The following EMC8 variants were observed in gnomAD, a reference collection of about 807,000 sequenced individuals.
The protein encoded by EMC8 is COX4 neighbor.
Under a neutral mutation model 24.3 loss-of-function variants are expected in EMC8, and 11 were observed. That is an observed-to-expected ratio of 0.45 (90% CI 0.28 to 0.75). The LOEUF (loss-of-function observed/expected upper bound fraction) is 0.75. Ranked by LOEUF, EMC8 falls within the 30% of genes least tolerant of loss-of-function variation. The pLI, the probability that EMC8 is intolerant of heterozygous loss-of-function variation, is 0.12. For missense variants in EMC8, 277 were observed against 282.7 expected (o/e 0.98, Z 0.14); for synonymous variants, 145 against 117.7 (o/e 1.23, Z -1.50).
rs761050823 is a variant in EMC8, at chr16:85,781,223, A to T, written c.366T>A (p.Thr122=). ...ASRIAEGFSD[T]ALIMVDNTKF... ...AGAAGCGACTTACCATGATGAGCGC[A>T]GTGTCGCTGAAGCCCTCGGCGATTC... The change falls in exon 3 of 5, where the codon ACT becomes ACA. Residue 122 remains threonine (T), a synonymous_variant. Coordinates refer to ENST00000253457, the MANE Select transcript of EMC8 (RefSeq NM_006067.5). 18 of 1,613,446 alleles carry T rather than the reference A, an allele frequency of 1.1e-5. No individual in the cohort carries two copies. The highest frequency in any genetic ancestry group is 1.7e-4 in the Middle Eastern group (1 of 6,058).
At chr16:85,788,092 G>A (rs1235975003) in intron 2 of EMC8, among the ~76,000 whole-genome samples, 4 of 152,206 alleles carry the variant, frequency 2.6e-5, no homozygotes, top group Admixed American at 6.5e-5. Flanking sequence ...ACGCATGCCC[G>A]TTATATACGG....
chr16:85,798,957 G>T, intron 1 of EMC8, 108 bp downstream of exon 1: 1 of 728,900 alleles, frequency 1.4e-6, no homozygotes, highest in Non-Finnish European at 2.2e-6. Flanking sequence ...ACCCTAGGGA[G>T]CGGGTCCTAG....
chr16:85,788,678 A>G (rs1904866112), intron 2 of EMC8, among the ~76,000 whole-genome samples: 1 of 152,196 alleles, frequency 6.6e-6, no homozygotes, highest in Admixed American at 6.5e-5. Flanking sequence ...AGGGGAAGCA[A>G]GGCAGAGCTG....
At chr16:85,784,617 C>T (rs932151616) in intron 2 of EMC8, 2 of 151,648 alleles carry the variant, frequency 1.3e-5, no homozygotes, top group South Asian at 2.1e-4. Flanking sequence ...GATGGTGGCT[C>T]CTAGCGCAGA....
rs1010750597 is a variant in EMC8, at chr16:85,781,256, C to T, written c.333G>A (p.Val111=). The T allele has an allele frequency of 1.1e-5, 17 of 1,610,342 alleles. No individual in the cohort carries two copies. The highest frequency in any genetic ancestry group is 1.4e-5 in the Non-Finnish European group (17 of 1,179,012). Residue 111 remains valine (V), a synonymous_variant, in exon 3 of 5, where the codon GTG becomes GTA. Transcript: ENST00000253457. ...DASPNQVAEK[V]ASRIAEGFSD... ...TGAAGCCCTCGGCGATTCTGGAGGC[C>T]ACCTTCTCTGCAACCTGGTTTGGAC...
rs979751177 is a variant in EMC8 at position 85,799,507 on chromosome 16, A to C, written c.-212T>G. On this transcript the variant is annotated 5_prime_UTR_variant, in exon 1 of 5. Transcript: ENST00000253457. The surrounding 1 kb of genome is among the most constrained non-coding windows in gnomAD (Gnocchi z 4.2). ...CGCCTCTGGGAAGCCGCAGCCCCAG[A>C]CTCCAGTCGCGCTTCTCGCCCGGCG... The C allele has an allele frequency of 2.3e-5, 9 of 386,236 alleles. No homozygotes were observed. 23.9% of individuals were successfully genotyped at this position (386,236 alleles called of 1,614,324 possible).
intron 1 of EMC8, among the ~76,000 whole-genome samples, chr16:85,791,284 T>G (rs1385274520): frequency 6.6e-6 from 1 of 152,250 alleles, no homozygotes; most frequent in East Asian, 1.9e-4. Flanking sequence ...AAATAAACCG[T>G]ACTTGATTAA....
In EMC8 at chr16:85,779,703, C is replaced by A; in HGVS notation, c.*5G>T. Reference sequence around the variant, plus strand: ...GGCCCGGAGCCCAGTCACAGCGGTGCCTGCCTAGCACAAGTGTAGGACAGC... The same window carrying A: ...GGCCCGGAGCCCAGTCACAGCGGTGACTGCCTAGCACAAGTGTAGGACAGC... On this transcript the variant is annotated 3_prime_UTR_variant, in exon 5 of 5. Transcript: ENST00000253457. 1.2e-6 allele frequency: 2 copies of A among 1,613,846 alleles called. No homozygotes were observed. The highest frequency in any genetic ancestry group is 1.7e-6 in the Non-Finnish European group (2 of 1,179,718).
intron 1 of EMC8, among the ~76,000 whole-genome samples, chr16:85,791,157 A>G (rs1469601622): frequency 6.6e-6 from 1 of 151,874 alleles, no homozygotes; most frequent in Admixed American, 6.6e-5. Context: ...AATAAATTTT[A>G]TTGAAGGATT....
intron 2 of EMC8, chr16:85,785,197 T>G (rs970903340): frequency 6.6e-6 from 1 of 152,312 alleles, no homozygotes; most frequent in African/African-American, 2.4e-5. Flanking sequence ...TCCTCCTGCC[T>G]TGGCCTCTGA....
intron 1 of EMC8, among the ~76,000 whole-genome samples, chr16:85,796,251 G>A (rs1772676585): frequency 6.6e-6 from 1 of 151,936 alleles, no homozygotes; most frequent in South Asian, 2.1e-4. Context: ...CTCAACAAAT[G>A]GCACCAGTGC....
intron 2 of EMC8, among the ~76,000 whole-genome samples, chr16:85,788,046 T>C (rs1327777517): frequency 6.6e-6 from 1 of 152,214 alleles, no homozygotes; most frequent in African/African-American, 2.4e-5. Flanking sequence ...GTCGGCTCTA[T>C]CTGACAACAT....
chr16:85,783,900 G>A (rs1380132403), intron 2 of EMC8, among the ~76,000 whole-genome samples: 1 of 152,192 alleles, frequency 6.6e-6, no homozygotes, highest in African/African-American at 2.4e-5. Flanking sequence ...CTCTAACACA[G>A]AGTCCATGGC....
Position 85,799,501 on chromosome 16 carries a change from C to T in EMC8, c.-206G>A, listed in dbSNP as rs1042593534. Reference sequence around the variant, plus strand: ...GACTCGCGCCTCTGGGAAGCCGCAGCCCCAGACTCCAGTCGCGCTTCTCGC... The same window carrying T: ...GACTCGCGCCTCTGGGAAGCCGCAGTCCCAGACTCCAGTCGCGCTTCTCGC... On this transcript the variant is annotated 5_prime_UTR_variant, in exon 1 of 5. Transcript: ENST00000253457. This position sits in a 1 kb window ranked among gnomAD's most constrained non-coding sequence, Gnocchi z 4.2. The T allele has an allele frequency of 2.8e-5, 11 of 393,494 alleles. No homozygotes were observed. Among genetic ancestry groups the T allele is most frequent in the African/African-American group, 1.9e-4 (9 of 47,742 alleles). 24.4% of individuals were successfully genotyped at this position (393,494 alleles called of 1,614,324 possible).
chr16:85,788,646 C>T (rs755170520), intron 2 of EMC8, among the ~76,000 whole-genome samples: 29 of 152,222 alleles, frequency 1.9e-4, no homozygotes, highest in Non-Finnish European at 4.4e-5. Flanking sequence ...GTGCTCTGCC[C>T]AACACCACCC....
At chr16:85,792,131 A>G (rs1905041385) in intron 1 of EMC8, among the ~76,000 whole-genome samples, 1 of 145,848 alleles carries the variant, frequency 6.9e-6, no homozygotes, top group African/African-American at 2.8e-5. Context: ...GTAAACACAT[A>G]TGGTATCACC....
intron 1 of EMC8, among the ~76,000 whole-genome samples, chr16:85,791,551 G>C (rs1905013719): frequency 6.6e-6 from 1 of 152,208 alleles, no homozygotes; most frequent in Non-Finnish European, 1.5e-5. Context: ...TCCCACTTAT[G>C]ACAACATGCG....
intron 2 of EMC8, 58 bp downstream of exon 2, chr16:85,788,915 CG>C: frequency 8.2e-7 from 1 of 1,212,354 alleles, no homozygotes; most frequent in Non-Finnish European, 1.2e-6. Flanking sequence ...ACACGAGAGA[CG>C]GGGTCTGCCC....
intron 1 of EMC8, chr16:85,792,351 G>A (rs1905052519): frequency 6.6e-6 from 1 of 152,166 alleles, no homozygotes; most frequent in South Asian, 2.1e-4. Flanking sequence ...AAGCGAACCA[G>A]GTCACAAAAG....
Sources: gnomAD v4.1 joint callset for allele counts (sites outside exome capture counted in the v4.1 genomes callset) on GRCh38, gnomAD v4.1.1 for gene constraint, Gnocchi (gnomAD v3.1) non-coding constraint, MANE v1.5 for transcripts, NCBI Gene and HGNC (gene_info 2026-07-23, HGNC 2026-07-21) for gene names.